The following NBEAL2 variants were observed in gnomAD, a reference collection of about 807,000 sequenced individuals.
NBEAL2 encodes the protein neurobeachin like 2.
Under a neutral mutation model 299.8 loss-of-function variants are expected in NBEAL2, and 160 were observed. The observed-to-expected ratio is 0.53, with a 90% CI of 0.47 to 0.61. NBEAL2 has a LOEUF of 0.61. NBEAL2 is among the 20% of genes least tolerant of loss of function. The pLI, the probability that NBEAL2 is intolerant of heterozygous loss-of-function variation, is 0.00. For missense variants in NBEAL2, 3,112 were observed against 3,649.0 expected (o/e 0.85, Z 3.79); for synonymous variants, 1,493 against 1,542.3 (o/e 0.97, Z 0.75).
chr3:47,004,746 C>G lies in NBEAL2; in HGVS notation c.6294+156C>G. ...CTGGCCTCTGTTCCCTGCCAACCCCCAGAGGTCCCCAGCCTCACTCCCTTC... is the reference window on the plus strand; with the variant it reads ...CTGGCCTCTGTTCCCTGCCAACCCCGAGAGGTCCCCAGCCTCACTCCCTTC... On this transcript the variant is annotated intron_variant, in intron 38 of 53. Coordinates refer to ENST00000450053, the MANE Select transcript of NBEAL2 (RefSeq NM_015175.3). The surrounding 1 kb of genome is among the most constrained non-coding windows in gnomAD (Gnocchi z 5.0). The G allele has an allele frequency of 2.6e-6, 1 of 384,618 alleles. No individual in the cohort carries two copies. Among genetic ancestry groups the G allele is most frequent in the South Asian group, 4.0e-5 (1 of 24,702 alleles). 23.8% of individuals were successfully genotyped at this position (384,618 alleles called of 1,614,324 possible). A position where few individuals can be genotyped will look rare whatever the true frequency, so the allele number is the denominator to read the frequency against.
At chr3:46,992,005 C>T in intron 9 of NBEAL2, 59 bp downstream of exon 9, 2 of 1,404,168 alleles carry the variant, frequency 1.4e-6, no homozygotes, top group Non-Finnish European at 9.9e-7. Context: ...GGGAGCCACG[C>T]ATAGGTGCCA....
rs369294861 is a variant in NBEAL2, at chr3:46,989,459, C to T, written c.474-52C>T. ...CCGCGCTGGGCCCAAGGAGGGGTGACGGCCAGGAGTGGTGAGAGCCGGGCT... is the reference window on the plus strand; with the variant it reads ...CCGCGCTGGGCCCAAGGAGGGGTGATGGCCAGGAGTGGTGAGAGCCGGGCT... On this transcript the variant is annotated intron_variant, in intron 5 of 53. Coordinates refer to ENST00000450053, the MANE Select transcript of NBEAL2 (RefSeq NM_015175.3). This position sits in a 1 kb window ranked among gnomAD's most constrained non-coding sequence, Gnocchi z 5.5. 76 of 1,565,240 alleles carry T rather than the reference C, an allele frequency of 4.9e-5. 1 individual carries two copies. Among genetic ancestry groups the T allele is most frequent in the South Asian group, 3.4e-4 (29 of 85,124 alleles).
Position 47,005,636 on chromosome 3 carries a change from C to T in NBEAL2, c.6691+17C>T. 6.2e-7 allele frequency: 1 copy of T among 1,613,564 alleles called. No homozygotes were observed. Among genetic ancestry groups the T allele is most frequent in the Non-Finnish European group, 8.5e-7 (1 of 1,179,782 alleles). The stretch of plus-strand genomic sequence containing the variant: ...ACCAGAACGGTAGGTGTGAGGTGCT[C>T]ACACTGGAGCGGGCAGGTGTAGGGA... On this transcript the variant is annotated intron_variant, in intron 41 of 53. Transcript: ENST00000450053.
rs757279344 is a variant in NBEAL2 at position 47,000,385 on chromosome 3, C to T, written c.4286C>T (p.Ser1429Leu). The T allele has an allele frequency of 8.9e-6, 14 of 1,575,244 alleles. No individual in the cohort carries two copies. In the African/African-American group the frequency reaches 9.4e-5, roughly 11 times the overall value. Reference protein sequence around the residue: ...PEPTISGDDTSNTSNPQQTSE... With the variant: ...PEPTISGDDTLNTSNPQQTSE... ...CCCACCATTAGCGGGGATGATACCT[C>T]GAACACCAGCAACCCACAGGTGAGG... Residue 1429 changes from serine (S) to leucine (L), a missense_variant, in exon 27 of 54, where the codon TCG (serine) becomes TTG (leucine). Around this residue, in one of 3 missense-constraint regions of NBEAL2, gnomAD observed 2,243 missense variants for 2,538.1 expected, o/e 0.88. Transcript: ENST00000450053. This position sits in a 1 kb window ranked among gnomAD's most constrained non-coding sequence, Gnocchi z 4.5.
chr3:47,008,457 GC>G lies in NBEAL2; in HGVS notation c.7878+19del. On this transcript the variant is annotated intron_variant, in intron 51 of 53. Transcript: ENST00000450053. Reference sequence around the variant, plus strand: ...TGGGGCCCAGGTATGGGGAAGGGGTGCCCAGCAAAGATGGAGGGGCAGTTGG... The same window carrying G: ...TGGGGCCCAGGTATGGGGAAGGGGTGCCAGCAAAGATGGAGGGGCAGTTGG... 6.2e-7 allele frequency: 1 copy of G among 1,610,214 alleles called. No homozygotes were observed. Among genetic ancestry groups the G allele is most frequent in the Non-Finnish European group, 8.5e-7 (1 of 1,176,928 alleles).
chr3:46,981,531 A>T (rs2035340128), intron 1 of NBEAL2, among the ~76,000 whole-genome samples: 1 of 152,220 alleles, frequency 6.6e-6, no homozygotes, highest in Non-Finnish European at 1.5e-5. Flanking sequence ...TAGCTGGTCC[A>T]GACCAGAGAA....
chr3:47,007,622 G>A lies in NBEAL2; in HGVS notation c.7432G>A (p.Gly2478Ser), dbSNP rs1002901328. The stretch of plus-strand genomic sequence containing the variant: ...GGATGGAAAGCTGCTATTCAGCGGT[G>A]GCCACTGGGATGGCAGCCTGCGGGT... ...APDGKLLFSG[G>S]HWDGSLRVTA... The change falls in exon 48 of 54, where the codon GGC becomes AGC. Residue 2478 changes from glycine (G) to serine (S), a missense_variant. Physicochemically the swap from Gly to Ser is moderately conservative, Grantham distance 56 (BLOSUM62 0). This residue lies in a region of NBEAL2 where 348 missense variants were observed against 381.4 expected (regional missense o/e 0.91). Transcript: ENST00000450053. 1 of 1,611,396 alleles carries A rather than the reference G, an allele frequency of 6.2e-7. No homozygotes were observed. Among genetic ancestry groups the A allele is most frequent in the African/African-American group, 1.3e-5 (1 of 74,886 alleles).
At position 47,000,066 on chromosome 3, in the gene NBEAL2, G is replaced by C. The variant is rs2036851343; in HGVS notation, c.3967G>C (p.Glu1323Gln). The change falls in exon 27 of 54, where the codon GAG (glutamate) becomes CAG (glutamine). Residue 1323 changes from glutamate to glutamine, a missense_variant. By Grantham distance (29) the Glu-to-Gln change is conservative. This residue lies in a region of NBEAL2 where 2,243 missense variants were observed against 2,538.1 expected (regional missense o/e 0.88). Coordinates refer to ENST00000450053, the MANE Select transcript of NBEAL2 (RefSeq NM_015175.3). This position sits in a 1 kb window ranked among gnomAD's most constrained non-coding sequence, Gnocchi z 4.5. ...GCCAGCCCCACCCAAGCCACCCACT[G>C]AGTCACCTGCTGAGCCTTCAGATGT... ...PKPAPPKPPT[E>Q]SPAEPSDVFL... 1 of 1,613,074 alleles carries C rather than the reference G, an allele frequency of 6.2e-7. No individual in the cohort carries two copies. The highest frequency in any genetic ancestry group is 1.1e-5 in the South Asian group (1 of 91,058).
Position 47,001,530 on chromosome 3 carries a change from G to A in NBEAL2, c.4644+92G>A, listed in dbSNP as rs2036990177. ...GTCTGGGAGGTGGATGGGTACACGT[G>A]CGCAGGTGTGGGTGCATCAGCATGA... On this transcript the variant is annotated intron_variant, in intron 29 of 53. Transcript: ENST00000450053. This position sits in a 1 kb window ranked among gnomAD's most constrained non-coding sequence, Gnocchi z 6.1. 1 of 1,553,822 alleles carries A rather than the reference G, an allele frequency of 6.4e-7. No homozygotes were observed. The highest frequency in any genetic ancestry group is 1.1e-5 in the South Asian group (1 of 87,158).
rs891578368 is a variant in NBEAL2 at position 46,995,221 on chromosome 3, G to A, written c.1486G>A (p.Gly496Ser). 4 of 1,555,106 alleles carry A rather than the reference G, an allele frequency of 2.6e-6. No individual in the cohort carries two copies. The highest frequency in any genetic ancestry group is 3.9e-5 in the Admixed American group (2 of 51,824). Reference sequence around the variant, plus strand: ...CACCTGTGTGCAGGCAGGCCTGGTGGGCTGCCTGTTGGAGACACTCAGCAC... The same window carrying A: ...CACCTGTGTGCAGGCAGGCCTGGTGAGCTGCCTGTTGGAGACACTCAGCAC... The part of the protein sequence containing the change: ...RATCVQAGLV[G>S]CLLETLSTGL... The change falls in exon 13 of 54, where the codon GGC (glycine) becomes AGC (serine). Residue 496 changes from glycine to serine, a missense_variant. Gly to Ser is a moderately conservative substitution (Grantham distance 56). Around this residue, in one of 3 missense-constraint regions of NBEAL2, gnomAD observed 2,243 missense variants for 2,538.1 expected, o/e 0.88. Coordinates refer to ENST00000450053, the MANE Select transcript of NBEAL2 (RefSeq NM_015175.3).
rs1401060999 is a variant in NBEAL2, at chr3:47,002,791, C to T, written c.5448C>T (p.Ala1816=). The change falls in exon 33 of 54, where the codon GCC becomes GCT. Residue 1816 remains alanine, a synonymous_variant. Coordinates refer to ENST00000450053, the MANE Select transcript of NBEAL2 (RefSeq NM_015175.3). Reference sequence around the variant, plus strand: ...GCCAGCTCGCCAGCCCATGTGGGGCCTGGGCGCTGAGGTGGGCCGGGCTTG... The same window carrying T: ...GCCAGCTCGCCAGCCCATGTGGGGCTTGGGCGCTGAGGTGGGCCGGGCTTG... The part of the protein sequence containing the change: ...LWRQLASPCG[A]WALRDTPIPR... 3.8e-6 allele frequency: 5 copies of T among 1,328,878 alleles called. No homozygotes were observed. The highest frequency in any genetic ancestry group is 4.9e-6 in the Non-Finnish European group (5 of 1,012,684). 82.3% of individuals were successfully genotyped at this position (1,328,878 alleles called of 1,614,324 possible).
rs2037739221 is a variant in NBEAL2 at position 47,009,484 on chromosome 3, T to C, written c.*164T>C. 1.4e-6 allele frequency: 1 copy of C among 713,088 alleles called. No individual in the cohort carries two copies. Among genetic ancestry groups the C allele is most frequent in the South Asian group, 1.8e-5 (1 of 56,368 alleles). 44.2% of individuals were successfully genotyped at this position (713,088 alleles called of 1,614,324 possible). On this transcript the variant is annotated 3_prime_UTR_variant, in exon 54 of 54. Transcript: ENST00000450053. ...GCGGGCGATGTTACCCCCTCAGGGATTGGCGGGCGGAAGTCCCGCCCCTCG... is the reference window on the plus strand; with the variant it reads ...GCGGGCGATGTTACCCCCTCAGGGACTGGCGGGCGGAAGTCCCGCCCCTCG...
Position 47,004,573 on chromosome 3 carries a change from C to T in NBEAL2, c.6277C>T (p.Leu2093=), listed in dbSNP as rs919712581. The part of the protein sequence containing the change: ...NTIAGRTYND[L]SQYPVFPWVL... ...CATTGCGGGGCGGACCTACAATGAC[C>T]TGTCTCAGTACCCTGTGGTGAGGGT... The change falls in exon 38 of 54, where the codon CTG becomes TTG. Residue 2093 remains leucine, a synonymous_variant. Transcript: ENST00000450053. The surrounding 1 kb of genome is among the most constrained non-coding windows in gnomAD (Gnocchi z 5.0). The T allele has an allele frequency of 5.0e-6, 8 of 1,613,654 alleles. No homozygotes were observed. Among genetic ancestry groups the T allele is most frequent in the Non-Finnish European group, 5.1e-6 (6 of 1,179,752 alleles).
At chr3:46,993,823 C>A in intron 10 of NBEAL2, 114 bp from the exon 11 acceptor site, 1 of 898,116 alleles carries the variant, frequency 1.1e-6, no homozygotes, top group Admixed American at 2.1e-5. Context: ...GTTGCTGATC[C>A]AGCACATGCC....
chr3:46,998,694 G>T, intron 22 of NBEAL2, 23 bp from the exon 23 acceptor site: 1 of 1,563,202 alleles, frequency 6.4e-7, no homozygotes, highest in Non-Finnish European at 8.7e-7. Flanking sequence ...GGACCTGGCT[G>T]GGTGTGCCTA....
In NBEAL2 at chr3:47,009,284, G is replaced by C. The variant is rs766183910; in HGVS notation, c.8229G>C (p.Ser2743=). 3 of 1,601,514 alleles carry C rather than the reference G, an allele frequency of 1.9e-6. No individual in the cohort carries two copies. The highest frequency in any genetic ancestry group is 3.4e-5 in the Admixed American group (2 of 59,016). The part of the protein sequence containing the change: ...RSSRRISQVS[S]GETEYNPTEA... The stretch of plus-strand genomic sequence containing the variant: ...CGCGGCGCATCTCCCAGGTGTCCTC[G>C]GGAGAGACGGAATACAACCCTACTG... Residue 2743 remains serine (S), a synonymous_variant, in exon 54 of 54, where the codon TCG becomes TCC. Transcript: ENST00000450053.
chr3:46,998,704 A>C lies in NBEAL2; in HGVS notation c.3222-13A>C, dbSNP rs369269851. 1.6e-5 allele frequency: 25 copies of C among 1,568,722 alleles called. No individual in the cohort carries two copies. In the South Asian group the frequency reaches 2.8e-4, roughly 18 times the overall value. Reference sequence around the variant, plus strand: ...CTTTGGGACCTGGCTGGGTGTGCCTACTGACCTGCCAGCCCGCAGCGGGAG... The same window carrying C: ...CTTTGGGACCTGGCTGGGTGTGCCTCCTGACCTGCCAGCCCGCAGCGGGAG... On this transcript the variant is annotated splice_polypyrimidine_tract_variant and intron_variant, in intron 22 of 53. Transcript: ENST00000450053.
At position 47,005,502 on chromosome 3, in the gene NBEAL2, G is replaced by T. The variant is rs565909891; in HGVS notation, c.6574G>T (p.Asp2192Tyr). The change falls in exon 41 of 54, where the codon GAC becomes TAC. Residue 2192 changes from aspartate to tyrosine, a missense_variant. By Grantham distance (160) the Asp-to-Tyr change is radical. Transcript: ENST00000450053. ...QLQSGRFDCS[D>Y]RQFHSVAAAW... is the part of the protein sequence containing the mutation. The stretch of plus-strand genomic sequence containing the variant: ...CCCCTCCCCCAGCTTTGACTGCTCC[G>T]ACCGGCAGTTCCACTCGGTGGCGGC... The T allele has an allele frequency of 1.9e-6, 3 of 1,611,396 alleles. No individual in the cohort carries two copies. Among genetic ancestry groups the T allele is most frequent in the Non-Finnish European group, 1.7e-6 (2 of 1,179,046 alleles).
chr3:46,997,950 A>G (rs1203501180), intron 20 of NBEAL2, 117 bp from the exon 21 acceptor site: 7 of 1,336,910 alleles, frequency 5.2e-6, no homozygotes, highest in African/African-American at 1.5e-5. Flanking sequence ...GGTTCTGAGC[A>G]GGCTGGTGGC....
Sources: gnomAD v4.1 joint callset for allele counts (sites outside exome capture counted in the v4.1 genomes callset) on GRCh38, gnomAD v4.1.1 for gene constraint, gnomAD v4.1.1 regional missense constraint, Gnocchi (gnomAD v3.1) non-coding constraint, MANE v1.5 for transcripts, NCBI Gene and HGNC (gene_info 2026-07-23, HGNC 2026-07-21) for gene names.